VAMP7: variants seen among roughly 807,000 people sequenced by gnomAD.
VAMP7 encodes vesicle associated membrane protein 7, also known as vesicle-associated membrane protein 7.
Under a neutral mutation model 29.6 loss-of-function variants are expected in VAMP7, and 14 were observed. That is an observed-to-expected ratio of 0.47 (90% CI 0.31 to 0.74). The LOEUF (loss-of-function observed/expected upper bound fraction) is 0.74. VAMP7 is among the 30% of genes least tolerant of loss of function. The pLI is 0.05. For missense variants in VAMP7, 223 were observed against 262.4 expected, an observed-to-expected ratio of 0.85 and a Z score of 1.04; for synonymous variants, 95 against 88.1, an observed-to-expected ratio of 1.08 and a Z score of -0.44.
chrX:155,898,878 T>G (rs2066022720), intron 4 of VAMP7, among the ~76,000 whole-genome samples: 1 of 152,112 alleles, frequency 6.6e-6, no homozygotes, highest in Admixed American at 6.6e-5. Flanking sequence ...ATGTAAACTT[T>G]CTGTAAATGG....
At chrX:155,936,080 C>CT (rs2066649279) in intron 6 of VAMP7, among the ~76,000 whole-genome samples, 1 of 84 alleles carries the variant, frequency 0.012, no homozygotes, top group Non-Finnish European at 0.02. Context: ...CAGAGGGGTA[C>CT]CCGCCGTGTG....
intron 6 of VAMP7, among the ~76,000 whole-genome samples, chrX:155,924,219 A>C (rs2066437129): frequency 6.6e-6 from 1 of 152,182 alleles, no homozygotes; most frequent in African/African-American, 2.4e-5. Flanking sequence ...CAGACCATAC[A>C]AATTGCCCAT....
intron 5 of VAMP7, among the ~76,000 whole-genome samples, chrX:155,911,947 ATTTC>A (rs1310374719): frequency 6.6e-6 from 1 of 151,958 alleles, no homozygotes; most frequent in Non-Finnish European, 1.5e-5. Context: ...GATGCCCTTT[ATTTC>A]TTTCTCTTGC....
chrX:155,925,354 A>G (rs1381233530), intron 6 of VAMP7, among the ~76,000 whole-genome samples: 1 of 152,206 alleles, frequency 6.6e-6, no homozygotes, highest in Non-Finnish European at 1.5e-5. Flanking sequence ...AAATAATAAG[A>G]CTTGAAAGTT....
At chrX:155,888,374 T>G (rs923215554) in intron 1 of VAMP7, among the ~76,000 whole-genome samples, 17 of 152,310 alleles carry the variant, frequency 1.1e-4, no homozygotes, top group African/African-American at 4.1e-4. Context: ...TTTCAGGAAG[T>G]GATGCCAAGA....
At chrX:155,940,542 TCTTA>T (rs1476794823) in intron 7 of VAMP7, among the ~76,000 whole-genome samples, 1 of 152,192 alleles carries the variant, frequency 6.6e-6, no homozygotes, top group Non-Finnish European at 1.5e-5. Flanking sequence ...GAGCTTAGCT[TCTTA>T]CTTATTATTT....
intron 5 of VAMP7, among the ~76,000 whole-genome samples, chrX:155,903,818 A>G (rs1419655085): frequency 6.6e-6 from 1 of 152,160 alleles, no homozygotes; most frequent in African/African-American, 2.4e-5. Flanking sequence ...GGGATCTAGA[A>G]CTAGAAATAC....
At chrX:155,927,768 T>G (rs891522357) in intron 6 of VAMP7, among the ~76,000 whole-genome samples, 1 of 151,412 alleles carries the variant, frequency 6.6e-6, no homozygotes, top group African/African-American at 2.4e-5. Context: ...AATGGCAGTT[T>G]TTTTTTTTTT....
intron 4 of VAMP7, 88 bp downstream of exon 4, chrX:155,898,337 A>G: frequency 6.0e-6 from 9 of 1,487,882 alleles, no homozygotes; most frequent in Non-Finnish European, 6.3e-6. Context: ...CTGACCTGCA[A>G]TATAGTTTTC....
At chrX:155,937,294 G>C (rs2066674723) in intron 6 of VAMP7, among the ~76,000 whole-genome samples, 1 of 152,128 alleles carries the variant, frequency 6.6e-6, no homozygotes, top group Admixed American at 6.5e-5. Flanking sequence ...TGGTCAAAGT[G>C]TATGAACTTA....
chrX:155,940,244 CTA>C (rs1180186488), intron 7 of VAMP7, among the ~76,000 whole-genome samples: 2 of 152,076 alleles, frequency 1.3e-5, no homozygotes, highest in Non-Finnish European at 2.9e-5. Context: ...ACTTTAAAAA[CTA>C]TTGCTAACAG....
chrX:155,916,103 T>C (rs905205697), intron 5 of VAMP7, among the ~76,000 whole-genome samples: 1 of 152,232 alleles, frequency 6.6e-6, no homozygotes, highest in African/African-American at 2.4e-5. Context: ...CCTTTACCAT[T>C]ATGTAATGCC....
chrX:155,943,149 G>A lies in VAMP7; in HGVS notation c.*1198G>A, dbSNP rs1197652099. 1.4e-5 allele frequency: 2 copies of A among 143,834 alleles called. No homozygotes were observed. The highest frequency in any genetic ancestry group is 3.0e-5 in the Non-Finnish European group (2 of 65,644). The allele number at this position is 143,834 out of a possible 1,614,324, so 8.9% of individuals were successfully genotyped here. ...ATCTGTTATCTAGTATGCATTTCTG[G>A]TGTGTATCTGAAAGGAAGACATTTT... On this transcript the variant is annotated 3_prime_UTR_variant, in exon 8 of 8. Coordinates refer to ENST00000286448, the MANE Select transcript of VAMP7 (RefSeq NM_005638.6).
intron 7 of VAMP7, among the ~76,000 whole-genome samples, chrX:155,940,492 T>C (rs2066727859): frequency 6.6e-6 from 1 of 152,234 alleles, no homozygotes; most frequent in Non-Finnish European, 1.5e-5. Context: ...AATGGTTCCT[T>C]GCTCAGGTTT....
intron 5 of VAMP7, among the ~76,000 whole-genome samples, chrX:155,904,076 A>G (rs928044885): frequency 2.4e-3 from 365 of 151,944 alleles, no homozygotes; most frequent in Non-Finnish European, 3.7e-3. Context: ...GAAATTGGAA[A>G]TCCTCATTCT....
At chrX:155,888,708 T>G (rs1184190045) in intron 1 of VAMP7, among the ~76,000 whole-genome samples, 6 of 152,152 alleles carry the variant, frequency 3.9e-5, no homozygotes, top group Non-Finnish European at 8.8e-5. Flanking sequence ...TGTGGAAGCT[T>G]TGAGTTATTT....
At chrX:155,925,106 C>T (rs1474188156) in intron 6 of VAMP7, among the ~76,000 whole-genome samples, 1 of 152,172 alleles carries the variant, frequency 6.6e-6, no homozygotes, top group African/African-American at 2.4e-5. Flanking sequence ...CTATTTCTAC[C>T]ACATCTGCAG....
At chrX:155,915,497 AT>A (rs2066298881) in intron 5 of VAMP7, among the ~76,000 whole-genome samples, 1 of 152,118 alleles carries the variant, frequency 6.6e-6, no homozygotes, top group Admixed American at 6.5e-5. Flanking sequence ...TGCTGTGGGC[AT>A]TTAGTGCTAT....
chrX:155,916,713 G>A (rs148367731), intron 5 of VAMP7, among the ~76,000 whole-genome samples: 2,158 of 152,240 alleles, frequency 0.014, 55 homozygotes, highest in African/African-American at 0.049. Context: ...TAGGGTTTCT[G>A]TCGAGAGATC....
Sources: allele counts gnomAD v4.1 joint callset (sites outside exome capture counted in the v4.1 genomes callset), GRCh38; gene constraint gnomAD v4.1.1; transcripts MANE v1.5; gene names NCBI Gene and HGNC (gene_info 2026-07-23, HGNC 2026-07-21).